The following NOD1 variants were observed in gnomAD, a reference collection of about 807,000 sequenced individuals.
The protein encoded by NOD1 is nucleotide-binding oligomerization domain-containing protein 1.
A neutral mutation model predicts 81.2 loss-of-function variants in NOD1; 70 were observed. The observed-to-expected ratio is 0.86, with a 90% CI of 0.71 to 1.05. NOD1 has a LOEUF of 1.05. Ranked by LOEUF, NOD1 falls within the 50% of genes least tolerant of loss-of-function variation. The pLI is 0.00. For synonymous variants in NOD1, 508 were observed against 526.9 expected (o/e 0.96, Z 0.49); for missense variants, 1,233 against 1,228.0 (o/e 1.00, Z -0.06).
At position 30,456,896 on chromosome 7, in the gene NOD1, A is replaced by G; in HGVS notation, c.26T>C (p.Met9Thr). ...GTGAGACTCTGATGGGATTATTTCC[A>G]TCTCACTGTGGCCCTGCTCTTCCAT... MEEQGHSE[M>T]EIIPSESHPH... Residue 9 changes from methionine (M) to threonine (T), a missense_variant, in exon 4 of 14, where the codon ATG (methionine) becomes ACG (threonine). By Grantham distance (81) the Met-to-Thr change is moderately conservative. Transcript: ENST00000222823. 1 of 1,614,200 alleles carries G rather than the reference A, an allele frequency of 6.2e-7. No individual in the cohort carries two copies. The highest frequency in any genetic ancestry group is 8.5e-7 in the Non-Finnish European group (1 of 1,180,026).
chr7:30,463,949 T>C (rs561084128), intron 1 of NOD1: 9 of 152,236 alleles, frequency 5.9e-5, no homozygotes, highest in Non-Finnish European at 1.0e-4. Flanking sequence ...ACTTTTTGCA[T>C]GTTTGGCATT....
At position 30,452,048 on chromosome 7, in the gene NOD1, G is replaced by A. The variant is rs199475900; in HGVS notation, c.1369C>T (p.Arg457Trp). ...RSPVETLHAGRDTLCSLGQVA... is the reference protein window; with the variant it reads ...RSPVETLHAGWDTLCSLGQVA... ...TGCCCCAGCGAGCACAGAGTGTCCC[G>A]GCCGGCGTGGAGGGTCTCCACTGGG... Residue 457 changes from arginine to tryptophan, a missense_variant, in exon 6 of 14, where the codon CGG becomes TGG. By Grantham distance (101) the Arg-to-Trp change is moderately radical (BLOSUM62 -3). Coordinates refer to ENST00000222823, the MANE Select transcript of NOD1 (RefSeq NM_006092.4). 1.3e-5 allele frequency: 21 copies of A among 1,613,502 alleles called. No individual in the cohort carries two copies. Among genetic ancestry groups the A allele is most frequent in the African/African-American group, 2.7e-5 (2 of 75,050 alleles).
In NOD1 at chr7:30,451,247, G is replaced by A. The variant is rs1347099997; in HGVS notation, c.2170C>T (p.Gln724Ter). ...NLNDYGVREL[Q>*]PCFSRLTVLR... ...ACAGTGAGGCGGCTGAAGCAGGGCT[G>A]CAGCTCCCGCACGCCGTAGTCGTTG... The change falls in exon 6 of 14, where the codon CAG becomes TAG. Residue 724 changes from glutamine to a stop codon, truncating the protein, a stop_gained. Coordinates refer to ENST00000222823, the MANE Select transcript of NOD1 (RefSeq NM_006092.4). LOFTEE classifies it high-confidence loss of function. This position sits in a 1 kb window ranked among gnomAD's most constrained non-coding sequence, Gnocchi z 4.2. 1.2e-6 allele frequency: 2 copies of A among 1,613,938 alleles called. No individual in the cohort carries two copies. Among genetic ancestry groups the A allele is most frequent in the African/African-American group, 1.3e-5 (1 of 75,060 alleles).
chr7:30,473,724 C>T (rs1010724453), intron 1 of NOD1, among the ~76,000 whole-genome samples: 1 of 152,050 alleles, frequency 6.6e-6, no homozygotes, highest in East Asian at 1.9e-4. Context: ...AGAGCATAAG[C>T]ACATCTGACT....
chr7:30,430,325 G>T (rs1017198613), intron 12 of NOD1, among the ~76,000 whole-genome samples: 1 of 152,194 alleles, frequency 6.6e-6, no homozygotes, highest in African/African-American at 2.4e-5. Flanking sequence ...CTATCGCTAG[G>T]AAGCCAGGCC....
intron 12 of NOD1, among the ~76,000 whole-genome samples, chr7:30,431,259 AAAAAC>A (rs1376258349): frequency 6.6e-6 from 1 of 152,268 alleles, no homozygotes; most frequent in Non-Finnish European, 1.5e-5. Flanking sequence ...AAAGGAAAGA[AAAAAC>A]AATATGTAGC....
chr7:30,439,297 G>A (rs867633715), intron 9 of NOD1, among the ~76,000 whole-genome samples: 6 of 141,118 alleles, frequency 4.3e-5, no homozygotes, highest in South Asian at 2.1e-4. Flanking sequence ...AGCTCCCAGC[G>A]TGAGCGACGC....
chr7:30,452,789 T>G lies in NOD1; in HGVS notation c.628A>C (p.Met210Leu). ...ILGDAGVGKS[M>L]LLQRLQSLWA... The stretch of plus-strand genomic sequence containing the variant: ...AGGCTCTGCAGCCGCTGTAGCAGCA[T>G]GGACTTGCCCACCCCAGCATCACCC... Residue 210 changes from methionine (M) to leucine (L), a missense_variant, in exon 6 of 14, where the codon ATG (methionine) becomes CTG (leucine). Transcript: ENST00000222823. 6.2e-7 allele frequency: 1 copy of G among 1,614,160 alleles called. No individual in the cohort carries two copies. Among genetic ancestry groups the G allele is most frequent in the African/African-American group, 1.3e-5 (1 of 75,070 alleles).
chr7:30,460,496 A>T (rs1786928050), intron 1 of NOD1: 1 of 985,306 alleles, frequency 1.0e-6, no homozygotes, highest in South Asian at 4.7e-5. Context: ...GGTGCAGACC[A>T]ATGGGGACTG....
At chr7:30,426,497 A>T (rs1783467120) in intron 13 of NOD1, among the ~76,000 whole-genome samples, 1 of 151,878 alleles carries the variant, frequency 6.6e-6, no homozygotes, top group South Asian at 2.1e-4. Flanking sequence ...TCCCTGCATC[A>T]GTACAATGTC....
At chr7:30,477,946 G>A (rs965067338) in intron 1 of NOD1, among the ~76,000 whole-genome samples, 2 of 152,178 alleles carry the variant, frequency 1.3e-5, no homozygotes, top group African/African-American at 4.8e-5. Context: ...GAGCTAATGA[G>A]ACATCAACCT....
intron 11 of NOD1, among the ~76,000 whole-genome samples, chr7:30,435,540 T>C (rs1019818358): frequency 1.2e-4 from 19 of 152,084 alleles, no homozygotes; most frequent in African/African-American, 4.6e-4. Flanking sequence ...GCTATTCTCT[T>C]CTCTAGGAGG....
At position 30,425,599 on chromosome 7, in the gene NOD1, G is replaced by A. The variant is rs761971316; in HGVS notation, c.*39C>T. On this transcript the variant is annotated 3_prime_UTR_variant, in exon 14 of 14. Coordinates refer to ENST00000222823, the MANE Select transcript of NOD1 (RefSeq NM_006092.4). Reference sequence around the variant, plus strand: ...GCCCAGAGTGGCATTTGCTGCTGAGGCTCCAGGGCAAAAACCCCATGAACA... The same window carrying A: ...GCCCAGAGTGGCATTTGCTGCTGAGACTCCAGGGCAAAAACCCCATGAACA... The A allele has an allele frequency of 2.0e-6, 3 of 1,491,924 alleles. No individual in the cohort carries two copies. In the Admixed American group the frequency reaches 5.0e-5, roughly 25 times the overall value. The allele number at this position is 1,491,924 out of a possible 1,614,324, so 92.4% of individuals were successfully genotyped here.
Position 30,452,319 on chromosome 7 carries a change from G to C in NOD1, c.1098C>G (p.Pro366=). 1.2e-6 allele frequency: 2 copies of C among 1,613,404 alleles called. No individual in the cohort carries two copies. Among genetic ancestry groups the C allele is most frequent in the South Asian group, 2.2e-5 (2 of 91,076 alleles). ...HLRAYARRMF[P]ERALQDRLLS... ...GCAGGCGGTCCTGCAGGGCCCGCTC[G>C]GGGAACATCCTCCTGGCATAGGCGC... Residue 366 remains proline (P), a synonymous_variant, in exon 6 of 14, where the codon CCC becomes CCG. Coordinates refer to ENST00000222823, the MANE Select transcript of NOD1 (RefSeq NM_006092.4).
intron 9 of NOD1, among the ~76,000 whole-genome samples, chr7:30,441,131 G>T (rs1420998264): frequency 1.7e-5 from 1 of 57,164 alleles, no homozygotes; most frequent in Non-Finnish European, 3.4e-5. Context: ...AGGAACAACC[G>T]GTACCAGCCG....
chr7:30,426,856 G>C (rs1783503329), intron 13 of NOD1, among the ~76,000 whole-genome samples: 1 of 152,096 alleles, frequency 6.6e-6, no homozygotes. Context: ...CACCTCAGCT[G>C]ACTAGCTCCT....
chr7:30,436,150 G>T (rs1784362908), intron 10 of NOD1, 69 bp from the exon 11 acceptor site: 1 of 1,244,656 alleles, frequency 8.0e-7, no homozygotes. Context: ...TTCAACATCA[G>T]AACAGCTGGG....
At chr7:30,426,630 T>C (rs571732375) in intron 13 of NOD1, among the ~76,000 whole-genome samples, 2 of 152,170 alleles carry the variant, frequency 1.3e-5, no homozygotes, top group Admixed American at 1.3e-4. Context: ...AACTGTTCAC[T>C]GACTTTCCAT....
intron 1 of NOD1, among the ~76,000 whole-genome samples, chr7:30,462,426 G>GT (rs530513096): frequency 0.072 from 9,840 of 136,230 alleles, 411 homozygotes; most frequent in East Asian, 0.17. Flanking sequence ...GTTCTGATGG[G>GT]TTTTTTTTTT....
Sources: allele counts gnomAD v4.1 joint callset (sites outside exome capture counted in the v4.1 genomes callset), GRCh38; gene constraint gnomAD v4.1.1; non-coding constraint Gnocchi (gnomAD v3.1); transcripts MANE v1.5; gene names NCBI Gene and HGNC (gene_info 2026-07-23, HGNC 2026-07-21).